Variants in THBS1 observed in about 807,000 individuals in gnomAD.
The protein encoded by THBS1 is thrombospondin 1, also known as thrombospondin-1.
Under a neutral mutation model 126.1 loss-of-function variants are expected in THBS1, and 29 were observed. The ratio of observed to expected loss-of-function variants is 0.23; its 90% CI spans 0.17 to 0.31. The LOEUF is 0.31. Ranked by LOEUF, THBS1 falls within the 10% of genes least tolerant of loss-of-function variation. The probability of loss-of-function intolerance (pLI) is 1.00; values close to 1 mark genes in which losing one functional copy is unlikely to be tolerated. For missense variants in THBS1, 1,198 were observed against 1,545.2 expected (o/e 0.78, Z 3.77); for synonymous variants, 496 against 577.8 (o/e 0.86, Z 2.03).
intron 14 of THBS1, 127 bp from the exon 15 acceptor site, chr15:39,591,064 T>C: frequency 9.5e-7 from 1 of 1,058,170 alleles, no homozygotes; most frequent in South Asian, 1.6e-5. Context: ...GAGTGATCAA[T>C]TAGCCTATCC....
At chr15:39,591,652 T>C in intron 16 of THBS1, 29 bp downstream of exon 16, 3 of 1,578,402 alleles carry the variant, frequency 1.9e-6, no homozygotes, top group South Asian at 1.1e-5. Flanking sequence ...TTCAGAGTCT[T>C]TCAGTAAACT....
At position 39,592,739 on chromosome 15, in the gene THBS1, G is replaced by A. The variant is rs764699626; in HGVS notation, c.2704G>A (p.Gly902Ser). Residue 902 changes from glycine to serine, a missense_variant, in exon 17 of 22, where the codon GGC becomes AGC. Around this residue, in one of 4 missense-constraint regions of THBS1, gnomAD observed 255 missense variants for 373.9 expected, o/e 0.68. Coordinates refer to ENST00000260356, the MANE Select transcript of THBS1 (RefSeq NM_003246.4). This position sits in a 1 kb window ranked among gnomAD's most constrained non-coding sequence, Gnocchi z 4.3. ...CTGTGACCACGATGATGACAACGAT[G>A]GCATTCCTGATGACAAGGACAACTG... ...DACDHDDDND[G>S]IPDDKDNCRL... The A allele has an allele frequency of 9.3e-6, 15 of 1,614,172 alleles. 1 individual carries two copies. In the South Asian group the frequency reaches 1.5e-4, roughly 17 times the overall value.
Position 39,596,934 on chromosome 15 carries a change from A to C in THBS1, c.*1565A>C, listed in dbSNP as rs867056433. 2.0e-5 allele frequency: 3 copies of C among 152,248 alleles called. No homozygotes were observed. The highest frequency in any genetic ancestry group is 2.9e-5 in the Non-Finnish European group (2 of 68,040). 9.4% of individuals were successfully genotyped at this position (152,248 alleles called of 1,614,324 possible). A position where few individuals can be genotyped will look rare whatever the true frequency, so the allele number is the denominator to read the frequency against. On this transcript the variant is annotated 3_prime_UTR_variant, in exon 22 of 22. Coordinates refer to ENST00000260356, the MANE Select transcript of THBS1 (RefSeq NM_003246.4). ...AGTAAAGAATTTTTGGATCAAGCGG[A>C]AAGAGTTTAAGTGTCTAACAAACTT... is the stretch of plus-strand genomic sequence containing the variant.
At chr15:39,587,042 G>A (rs539461688) in intron 7 of THBS1, 10 of 214,592 alleles carry the variant, frequency 4.7e-5, no homozygotes, top group Non-Finnish European at 9.4e-5. Context: ...TAATAATACT[G>A]GATTGTATGC....
Position 39,592,355 on chromosome 15 carries a change from T to C in THBS1, c.2533-213T>C, listed in dbSNP as rs1366948656. On this transcript the variant is annotated intron_variant, in intron 16 of 21. Coordinates refer to ENST00000260356, the MANE Select transcript of THBS1 (RefSeq NM_003246.4). This position sits in a 1 kb window ranked among gnomAD's most constrained non-coding sequence, Gnocchi z 4.3. Reference sequence around the variant, plus strand: ...TAAAACATTTTTAAATTATCCCTTCTCAGATTTTTATACGAAAACAAAGAT... The same window carrying C: ...TAAAACATTTTTAAATTATCCCTTCCCAGATTTTTATACGAAAACAAAGAT... 6.6e-6 allele frequency among the ~76,000 whole-genome samples: 1 copy of C among 152,216 alleles called. No homozygotes were observed. Among genetic ancestry groups the C allele is most frequent in the Non-Finnish European group, 1.5e-5 (1 of 68,044 alleles).
At position 39,597,609 on chromosome 15, in the gene THBS1, A is replaced by G. The variant is rs766184796; in HGVS notation, c.*2240A>G. ...AACATTCACAGTTTGTATGTGATTG[A>G]GAAAGACTGAGTTGCTCAGGCCTAG... is the stretch of plus-strand genomic sequence containing the variant. On this transcript the variant is annotated 3_prime_UTR_variant, in exon 22 of 22. Transcript: ENST00000260356. 3.3e-5 allele frequency: 5 copies of G among 152,168 alleles called. No individual in the cohort carries two copies. The highest frequency in any genetic ancestry group is 7.3e-5 in the Non-Finnish European group (5 of 68,038). 9.4% of individuals were successfully genotyped at this position (152,168 alleles called of 1,614,324 possible). A position where few individuals can be genotyped will look rare whatever the true frequency, so the allele number is the denominator to read the frequency against.
rs140180358 is a variant in THBS1 at position 39,598,195 on chromosome 15, G to A, written c.*2826G>A. The A allele has an allele frequency of 6.6e-6, 1 of 152,136 alleles. No individual in the cohort carries two copies. The highest frequency in any genetic ancestry group is 2.1e-4 in the South Asian group (1 of 4,830). The allele number at this position is 152,136 out of a possible 1,614,324, so 9.4% of individuals were successfully genotyped here. The stretch of plus-strand genomic sequence containing the variant: ...GTTTTAATGAAAACAGATCAAAGAA[G>A]AAATTTTATGAGTAGGTTAAAGGTC... On this transcript the variant is annotated 3_prime_UTR_variant, in exon 22 of 22. Coordinates refer to ENST00000260356, the MANE Select transcript of THBS1 (RefSeq NM_003246.4).
Position 39,589,936 on chromosome 15 carries a change from C to A in THBS1, c.2058C>A (p.Gly686=). The part of the protein sequence containing the change: ...CECKPGYAGN[G]IICGEDTDLD... ...GCAAGCCTGGCTACGCTGGCAATGG[C>A]ATCATCTGCGGGGAGGACACAGACC... Residue 686 remains glycine (G), a synonymous_variant, in exon 13 of 22, where the codon GGC becomes GGA. Coordinates refer to ENST00000260356, the MANE Select transcript of THBS1 (RefSeq NM_003246.4). The surrounding 1 kb of genome is among the most constrained non-coding windows in gnomAD (Gnocchi z 4.7). The A allele has an allele frequency of 1.2e-6, 2 of 1,614,132 alleles. No individual in the cohort carries two copies. The highest frequency in any genetic ancestry group is 1.7e-5 in the Admixed American group (1 of 60,020).
chr15:39,590,929 T>C (rs781168033), intron 14 of THBS1: 1 of 544,108 alleles, frequency 1.8e-6, no homozygotes, highest in Non-Finnish European at 3.2e-6. Context: ...TACAGTAAAA[T>C]TGACTTTGGG....
Position 39,589,267 on chromosome 15 carries a change from C to T in THBS1, c.1839C>T (p.Pro613=), listed in dbSNP as rs377361457. The change falls in exon 12 of 22, where the codon CCC becomes CCT. Residue 613 remains proline, a synonymous_variant. Transcript: ENST00000260356. The surrounding 1 kb of genome is among the most constrained non-coding windows in gnomAD (Gnocchi z 4.7). ...NGEHRCENTD[P]GYNCLPCPPR... The stretch of plus-strand genomic sequence containing the variant: ...AGCACCGGTGTGAGAACACGGACCC[C>T]GGCTACAACTGCCTGCCCTGCCCCC... 30 of 1,614,006 alleles carry T rather than the reference C, an allele frequency of 1.9e-5. No individual in the cohort carries two copies. Among genetic ancestry groups the T allele is most frequent in the Middle Eastern group, 1.6e-4 (1 of 6,084 alleles).
intron 7 of THBS1, 67 bp from the exon 8 acceptor site, chr15:39,587,280 C>G (rs1170563336): frequency 6.5e-7 from 1 of 1,527,690 alleles, no homozygotes; most frequent in Non-Finnish European, 8.9e-7. Context: ...GGGCCCTGAA[C>G]AGAGCCCTCT....
At chr15:39,583,300 C>T (rs897093660) in intron 3 of THBS1, among the ~76,000 whole-genome samples, 14 of 152,198 alleles carry the variant, frequency 9.2e-5, no homozygotes, top group African/African-American at 2.4e-4. Context: ...TGAACTCCCA[C>T]ATTTAACTCT....
rs1890495921 is a variant in THBS1 at position 39,597,501 on chromosome 15, G to A, written c.*2132G>A. 1 of 151,342 alleles carries A rather than the reference G, an allele frequency of 6.6e-6. No homozygotes were observed. The highest frequency in any genetic ancestry group is 2.4e-5 in the African/African-American group (1 of 41,200). The allele number at this position is 151,342 out of a possible 1,614,324, so 9.4% of individuals were successfully genotyped here. A position where few individuals can be genotyped will look rare whatever the true frequency, so the allele number is the denominator to read the frequency against. ...ATCCATGCTTATTTGTTCTCTACTGGCTTTATGTCATGAAGTATATGCGTA... is the reference window on the plus strand; with the variant it reads ...ATCCATGCTTATTTGTTCTCTACTGACTTTATGTCATGAAGTATATGCGTA... On this transcript the variant is annotated 3_prime_UTR_variant, in exon 22 of 22. Coordinates refer to ENST00000260356, the MANE Select transcript of THBS1 (RefSeq NM_003246.4).
intron 14 of THBS1, 22 bp from the exon 15 acceptor site, chr15:39,591,169 G>A (rs1414955244): frequency 3.7e-6 from 6 of 1,610,080 alleles, no homozygotes; most frequent in South Asian, 1.1e-5. Flanking sequence ...ATTGTTAAGT[G>A]CTCCATTTCT....
chr15:39,585,365 C>T (rs1890190181), intron 6 of THBS1, 105 bp from the exon 7 acceptor site: 2 of 957,796 alleles, frequency 2.1e-6, no homozygotes, highest in East Asian at 5.0e-5. Context: ...AGAGCATTGA[C>T]AGCCCTGACC....
At position 39,590,636 on chromosome 15, in the gene THBS1, T is replaced by G; in HGVS notation, c.2253+13T>G. ...TCCAGATGACAGGGTAAAAACAGTT[T>G]TCTATCCCTTTTTCATCTTTTCAGT... On this transcript the variant is annotated intron_variant, in intron 14 of 21. Transcript: ENST00000260356. The G allele has an allele frequency of 6.2e-7, 1 of 1,608,762 alleles. No homozygotes were observed. The highest frequency in any genetic ancestry group is 8.5e-7 in the Non-Finnish European group (1 of 1,175,568).
At chr15:39,591,646 G>A in intron 16 of THBS1, 23 bp downstream of exon 16, 1 of 1,590,454 alleles carries the variant, frequency 6.3e-7, no homozygotes, top group Non-Finnish European at 8.6e-7. Context: ...ACTCCTTTCA[G>A]AGTCTTTCAG....
At position 39,595,726 on chromosome 15, in the gene THBS1, A is replaced by G. The variant is rs767002060; in HGVS notation, c.*357A>G. Reference sequence around the variant, plus strand: ...GCCATCTCTGAGCAGTGGACTCAAAAGCATTTTCAGGCATGTCAGAGAAGG... The same window carrying G: ...GCCATCTCTGAGCAGTGGACTCAAAGGCATTTTCAGGCATGTCAGAGAAGG... On this transcript the variant is annotated 3_prime_UTR_variant, in exon 22 of 22. Coordinates refer to ENST00000260356, the MANE Select transcript of THBS1 (RefSeq NM_003246.4). 4.0e-6 allele frequency: 2 copies of G among 501,544 alleles called. No homozygotes were observed. Among genetic ancestry groups the G allele is most frequent in the Non-Finnish European group, 7.8e-6 (2 of 257,064 alleles). The allele number at this position is 501,544 out of a possible 1,614,324, so 31.1% of individuals were successfully genotyped here.
intron 3 of THBS1, 143 bp from the exon 4 acceptor site, chr15:39,583,474 T>C: frequency 1.7e-6 from 1 of 600,762 alleles, no homozygotes; most frequent in Non-Finnish European, 2.8e-6. Flanking sequence ...TGCTGTGTTA[T>C]TTTGACATAG....
Sources: allele counts gnomAD v4.1 joint callset (sites outside exome capture counted in the v4.1 genomes callset), GRCh38; gene constraint gnomAD v4.1.1; regional missense constraint gnomAD v4.1.1; non-coding constraint Gnocchi (gnomAD v3.1); transcripts MANE v1.5; gene names NCBI Gene and HGNC (gene_info 2026-07-23, HGNC 2026-07-21).